Variants in KDM4C observed in about 807,000 individuals in gnomAD.
KDM4C encodes the protein lysine demethylase 4C.
Under a neutral mutation model 129.3 loss-of-function variants are expected in KDM4C, and 81 were observed. The ratio of observed to expected loss-of-function variants is 0.63; its 90% CI spans 0.52 to 0.75. The LOEUF is 0.75. KDM4C is among the 30% of genes least tolerant of loss of function. The pLI is 0.00. For missense variants in KDM4C, 1,457 were observed against 1,304.0 expected, an observed-to-expected ratio of 1.12 and a Z score of -1.81; for synonymous variants, 573 against 456.1, an observed-to-expected ratio of 1.26 and a Z score of -3.26.
rs1049814831 is a variant in KDM4C at position 6,959,973 on chromosome 9, C to T, written c.922-20952C>T. ...TGCTGCCATACTAACAACTGTGTAG[C>T]CCGTATGAAAAGCTGTTACATCCAG... On this transcript the variant is annotated intron_variant, in intron 8 of 21. Coordinates refer to ENST00000381309, the MANE Select transcript of KDM4C (RefSeq NM_015061.6). Among the ~76,000 whole-genome samples the T allele has an allele frequency of 2.6e-5, 4 of 151,924 alleles. No homozygotes were observed. In the East Asian group the frequency reaches 7.7e-4, roughly 29 times the overall value.
chr9:6,817,195 G>GC (rs35527694), intron 4 of KDM4C, among the ~76,000 whole-genome samples: 19,535 of 53,418 alleles, frequency 0.37, 2,973 homozygotes, highest in Middle Eastern at 0.51. Context: ...CCCTCCCCCT[G>GC]CCCCCCCCCC....
intron 18 of KDM4C, among the ~76,000 whole-genome samples, chr9:7,108,960 C>T (rs1838012400): frequency 6.6e-6 from 1 of 152,156 alleles, no homozygotes; most frequent in Non-Finnish European, 1.5e-5. Context: ...AAAGGGCAGG[C>T]AGTATTTCAG....
Position 6,758,459 on chromosome 9 carries a change from C to T in KDM4C, c.-18+256C>T, listed in dbSNP as rs76575672. ...CTTACCGAGGTTCGGTACCCGCGCT[C>T]GCCGTTTTCCCGGGATCCGGAGTCG... On this transcript the variant is annotated intron_variant, in intron 1 of 21. Coordinates refer to ENST00000381309, the MANE Select transcript of KDM4C (RefSeq NM_015061.6). This position sits in a 1 kb window ranked among gnomAD's most constrained non-coding sequence, Gnocchi z 4.6. Among the ~76,000 whole-genome samples, 14,512 of 152,272 alleles carry T rather than the reference C, an allele frequency of 0.095. 814 individuals carry two copies. Among genetic ancestry groups the T allele is most frequent in the Non-Finnish European group, 0.11 (7,605 of 68,012 alleles).
intron 8 of KDM4C, among the ~76,000 whole-genome samples, chr9:6,918,744 G>GT (rs984135678): frequency 2.0e-5 from 3 of 151,970 alleles, no homozygotes; most frequent in Admixed American, 6.6e-5. Context: ...GCTCATTGTG[G>GT]TTTTGATTTG....
chr9:6,989,211 C>G (rs1430909087), intron 11 of KDM4C, among the ~76,000 whole-genome samples: 1 of 152,176 alleles, frequency 6.6e-6, no homozygotes, highest in Non-Finnish European at 1.5e-5. Flanking sequence ...TTACAATGGT[C>G]TTACACATTT....
At chr9:6,726,086 C>G (rs1817118999) in intron 1 of KDM4C, among the ~76,000 whole-genome samples, 1 of 152,080 alleles carries the variant, frequency 6.6e-6, no homozygotes, top group South Asian at 2.1e-4. Flanking sequence ...ACCACCACAC[C>G]TAGCTAATTT....
chr9:7,057,414 C>A (rs1831014603), intron 17 of KDM4C, among the ~76,000 whole-genome samples: 1 of 152,190 alleles, frequency 6.6e-6, no homozygotes, highest in Non-Finnish European at 1.5e-5. Flanking sequence ...TATAAGAAGC[C>A]TCCCTTAGGT....
At chr9:6,879,484 T>C (rs1844108862) in intron 5 of KDM4C, among the ~76,000 whole-genome samples, 1 of 152,178 alleles carries the variant, frequency 6.6e-6, no homozygotes, top group African/African-American at 2.4e-5. Flanking sequence ...TGTTTGAAAA[T>C]TACGGTGTTC....
intron 1 of KDM4C, among the ~76,000 whole-genome samples, chr9:6,750,664 A>G (rs919158416): frequency 3.9e-5 from 6 of 152,258 alleles, no homozygotes; most frequent in African/African-American, 1.4e-4. Flanking sequence ...GAAAAGTAAT[A>G]GAAAAGAAAT....
At chr9:7,098,808 C>G (rs886908125) in intron 17 of KDM4C, among the ~76,000 whole-genome samples, 14 of 152,194 alleles carry the variant, frequency 9.2e-5, no homozygotes, top group African/African-American at 3.4e-4. Flanking sequence ...TACTGTAGAA[C>G]TCAGACTTCC....
intron 15 of KDM4C, among the ~76,000 whole-genome samples, chr9:7,018,553 C>T (rs181228438): frequency 5.3e-5 from 8 of 152,286 alleles, no homozygotes; most frequent in Non-Finnish European, 8.8e-5. Flanking sequence ...TCTCCTTCGC[C>T]CTGAATCATA....
At chr9:6,729,565 C>T (rs1817255770) in intron 1 of KDM4C, among the ~76,000 whole-genome samples, 1 of 133,672 alleles carries the variant, frequency 7.5e-6, no homozygotes, top group South Asian at 2.6e-4. Flanking sequence ...AACAAATCTC[C>T]ATAACTGATT....
At chr9:7,099,358 G>T (rs573259837) in intron 17 of KDM4C, among the ~76,000 whole-genome samples, 1 of 152,268 alleles carries the variant, frequency 6.6e-6, no homozygotes, top group Admixed American at 6.5e-5. Flanking sequence ...GAAATCTAAT[G>T]ATATACAAAG....
At chr9:6,828,070 G>A (rs185515152) in intron 4 of KDM4C, among the ~76,000 whole-genome samples, 19 of 152,338 alleles carry the variant, frequency 1.2e-4, no homozygotes, top group African/African-American at 4.6e-4. Flanking sequence ...AAGCCCATGT[G>A]GTTGTTGCCC....
At chr9:6,901,409 G>C (rs887378226) in intron 8 of KDM4C, among the ~76,000 whole-genome samples, 2 of 152,158 alleles carry the variant, frequency 1.3e-5, no homozygotes, top group African/African-American at 4.8e-5. Flanking sequence ...TCCTAGGGTT[G>C]GTGTAGCAGC....
At chr9:6,867,451 C>T (rs574929087) in intron 5 of KDM4C, among the ~76,000 whole-genome samples, 1 of 152,246 alleles carries the variant, frequency 6.6e-6, no homozygotes, top group Admixed American at 6.5e-5. Flanking sequence ...GTAATGTTCT[C>T]AGAAGATTCC....
In KDM4C at chr9:6,743,353, C is replaced by T. The variant is rs573724304; in HGVS notation, c.49+22356C>T. 1.2e-3 allele frequency among the ~76,000 whole-genome samples: 183 copies of T among 152,230 alleles called. 1 individual carries two copies. The highest frequency in any genetic ancestry group is 4.3e-3 in the African/African-American group (179 of 41,556). On this transcript the variant is annotated intron_variant, in intron 1 of 17. Coordinates refer to the KDM4C transcript ENST00000536108. The stretch of plus-strand genomic sequence containing the variant: ...CCAGCACCCCGCACAATTCAGGGCA[C>T]ACGGGAGGTATGAGGCACATTTTCA...
chr9:6,986,886 C>T (rs562015473), intron 11 of KDM4C: 12 of 439,970 alleles, frequency 2.7e-5, no homozygotes, highest in South Asian at 6.7e-5. Context: ...GGCCACGTGT[C>T]GATGCTTGAT....
At chr9:7,013,561 A>G (rs1020670222) in intron 13 of KDM4C, among the ~76,000 whole-genome samples, 3 of 152,220 alleles carry the variant, frequency 2.0e-5, no homozygotes, top group Non-Finnish European at 4.4e-5. Flanking sequence ...GCTTTCTTAT[A>G]TGAACAGACA....
Sources: allele counts gnomAD v4.1 joint callset (sites outside exome capture counted in the v4.1 genomes callset), GRCh38; gene constraint gnomAD v4.1.1; non-coding constraint Gnocchi (gnomAD v3.1); transcripts MANE v1.5; gene names NCBI Gene and HGNC (gene_info 2026-07-23, HGNC 2026-07-21).